Variants in COL6A6 observed in about 807,000 individuals in gnomAD.
The protein encoded by COL6A6 is collagen alpha-6(VI) chain.
Under a neutral mutation model 208.6 loss-of-function variants are expected in COL6A6, and 183 were observed. That is an observed-to-expected ratio of 0.88 (90% CI 0.78 to 0.99). COL6A6 has a LOEUF of 0.99. Ranked by LOEUF, COL6A6 falls within the 50% of genes least tolerant of loss-of-function variation. COL6A6 has a pLI of 0.00. For synonymous variants in COL6A6, 973 were observed against 1,011.8 expected, an observed-to-expected ratio of 0.96 and a Z score of 0.73; for missense variants, 2,816 against 2,815.2, an observed-to-expected ratio of 1.00 and a Z score of -0.01.
chr3:130,621,761 G>C, intron 23 of COL6A6, 60 bp from the exon 24 acceptor site: 1 of 1,418,484 alleles, frequency 7.0e-7, no homozygotes, highest in South Asian at 1.2e-5. Context: ...TAAGACAGAG[G>C]GTTTGAAGAA....
rs183797894 is a variant in COL6A6, at chr3:130,528,276, T to C, written c.-32+10879T>C. 2.6e-5 allele frequency among the ~76,000 whole-genome samples: 4 copies of C among 152,250 alleles called. 1 individual carries two copies. Among genetic ancestry groups the C allele is most frequent in the East Asian group, 3.9e-4 (2 of 5,180 alleles). On this transcript the variant is annotated intron_variant, in intron 1 of 36. Transcript: ENST00000358511. ...GAGGGTGGCAGTGGCCAGATGGGCA[T>C]GGGGCAGGGCTTTTCAAACTTTGAT...
At chr3:130,581,961 C>A (rs375687890) in intron 9 of COL6A6, 29 bp from the exon 10 acceptor site, 2 of 1,592,594 alleles carry the variant, frequency 1.3e-6, no homozygotes, top group South Asian at 2.2e-5. Flanking sequence ...CTTTTTAATT[C>A]ATTTTACTTT....
rs757998053 is a variant in COL6A6, at chr3:130,574,087, G to A, written c.3109G>A (p.Val1037Met). The stretch of plus-strand genomic sequence containing the variant: ...AGACTTTGATGTCAGCCTCAACAGA[G>A]TGCGAATAGGAGCGGCCCAGTTTAG... ...VQDFDVSLNR[V>M]RIGAAQFSDT... is the part of the protein sequence containing the mutation. Residue 1037 changes from valine (V) to methionine (M), a missense_variant, in exon 8 of 37, where the codon GTG becomes ATG. Coordinates refer to ENST00000358511, the MANE Select transcript of COL6A6 (RefSeq NM_001102608.3). 3 of 1,613,994 alleles carry A rather than the reference G, an allele frequency of 1.9e-6. No individual in the cohort carries two copies. The highest frequency in any genetic ancestry group is 2.2e-5 in the East Asian group (1 of 44,878).
At chr3:130,664,460 T>A (rs1040203427) in intron 35 of COL6A6, among the ~76,000 whole-genome samples, 2 of 152,134 alleles carry the variant, frequency 1.3e-5, no homozygotes, top group African/African-American at 4.8e-5. Context: ...TTTTAAGAAT[T>A]CCCATCAAAA....
At chr3:130,673,170 C>G (rs1226011034) in intron 36 of COL6A6, among the ~76,000 whole-genome samples, 1 of 117,254 alleles carries the variant, frequency 8.5e-6, no homozygotes. Flanking sequence ...CAGAGCAAGA[C>G]TCTATCTCAA....
At chr3:130,668,235 G>A (rs961727887) in intron 36 of COL6A6, among the ~76,000 whole-genome samples, 1 of 152,084 alleles carries the variant, frequency 6.6e-6, no homozygotes, top group South Asian at 2.1e-4. Context: ...CCAGCACTTT[G>A]GGAGGCCGAG....
chr3:130,524,868 G>C (rs149051476), intron 1 of COL6A6, among the ~76,000 whole-genome samples: 9 of 152,296 alleles, frequency 5.9e-5, no homozygotes, highest in African/African-American at 2.2e-4. Context: ...CAGAGCTGAA[G>C]CCATGCCACT....
Position 130,661,914 on chromosome 3 carries a change from C to T in COL6A6, c.6108C>T (p.Thr2036=), listed in dbSNP as rs1378004745. 7 of 1,613,842 alleles carry T rather than the reference C, an allele frequency of 4.3e-6. No individual in the cohort carries two copies. In the African/African-American group the frequency reaches 6.7e-5, roughly 15 times the overall value. Residue 2036 remains threonine, a synonymous_variant, in exon 35 of 37, where the codon ACC becomes ACT. Coordinates refer to ENST00000358511, the MANE Select transcript of COL6A6 (RefSeq NM_001102608.3). ...KSPVRAEFNL[T]TYRSKRLMKR... is the part of the protein sequence containing the mutation. ...CAGTTAGAGCTGAGTTCAATCTTAC[C>T]ACCTACAGAAGTAAGCGCCTCATGA... is the stretch of plus-strand genomic sequence containing the variant.
At chr3:130,523,114 A>C (rs1711170525) in intron 1 of COL6A6, among the ~76,000 whole-genome samples, 1 of 151,942 alleles carries the variant, frequency 6.6e-6, no homozygotes, top group Non-Finnish European at 1.5e-5. Flanking sequence ...CACTACTCCC[A>C]GTCCTCTAGT....
intron 20 of COL6A6, among the ~76,000 whole-genome samples, chr3:130,603,581 TAGAAC>T (rs1211438831): frequency 7.9e-5 from 12 of 152,264 alleles, no homozygotes; most frequent in East Asian, 5.8e-4. Context: ...ACCTGAGAAT[TAGAAC>T]AGATTCTTGT....
At chr3:130,566,597 A>AT (rs1205278237) in intron 4 of COL6A6, 105 bp from the exon 5 acceptor site, 16 of 938,192 alleles carry the variant, frequency 1.7e-5, no homozygotes, top group Middle Eastern at 6.7e-4. Flanking sequence ...GCTGTTTCCC[A>AT]TTTTTCTGTC....
At chr3:130,605,990 A>G (rs1416524951) in intron 20 of COL6A6, among the ~76,000 whole-genome samples, 1 of 152,252 alleles carries the variant, frequency 6.6e-6, no homozygotes, top group African/African-American at 2.4e-5. Context: ...CTCCCACAAC[A>G]TGTGGGAATT....
intron 1 of COL6A6, among the ~76,000 whole-genome samples, chr3:130,520,076 A>G (rs1378830039): frequency 2.0e-5 from 3 of 152,170 alleles, no homozygotes; most frequent in South Asian, 4.1e-4. Context: ...TTTTGCTTTT[A>G]CTACAAATTT....
intron 1 of COL6A6, among the ~76,000 whole-genome samples, chr3:130,529,675 T>G (rs1033041674): frequency 6.6e-6 from 1 of 152,172 alleles, no homozygotes; most frequent in African/African-American, 2.4e-5. Flanking sequence ...TTTTCTGAGG[T>G]ATCTTTCCTG....
chr3:130,529,423 T>C (rs2062033514), intron 1 of COL6A6, among the ~76,000 whole-genome samples: 1 of 152,076 alleles, frequency 6.6e-6, no homozygotes, highest in Non-Finnish European at 1.5e-5. Flanking sequence ...ATCCCTAGTA[T>C]ACAGATGAGG....
chr3:130,530,269 G>A (rs867976681), intron 1 of COL6A6, among the ~76,000 whole-genome samples: 8 of 146,436 alleles, frequency 5.5e-5, no homozygotes, highest in Non-Finnish European at 9.0e-5. Context: ...TAAAAATACC[G>A]TCTGAAGCTT....
intron 35 of COL6A6, among the ~76,000 whole-genome samples, chr3:130,664,603 T>A (rs75244879): frequency 6.6e-6 from 1 of 152,080 alleles, no homozygotes; most frequent in African/African-American, 2.4e-5. Context: ...CTGTTGTTAG[T>A]GTTTCAAAGA....
chr3:130,652,356 A>G (rs185035011), intron 33 of COL6A6, among the ~76,000 whole-genome samples: 1 of 152,332 alleles, frequency 6.6e-6, no homozygotes, highest in East Asian at 1.9e-4. Context: ...GATATCAGCA[A>G]GTCAGATTCA....
chr3:130,664,880 C>A (rs2066033410), intron 35 of COL6A6, 123 bp from the exon 36 acceptor site: 1 of 654,206 alleles, frequency 1.5e-6, no homozygotes. Context: ...CATGTGATCA[C>A]CTTAGTTGGT....
Sources: allele counts gnomAD v4.1 joint callset (sites outside exome capture counted in the v4.1 genomes callset), GRCh38; gene constraint gnomAD v4.1.1; transcripts MANE v1.5; gene names NCBI Gene and HGNC (gene_info 2026-07-23, HGNC 2026-07-21).